The following DLGAP1 variants were observed in gnomAD, a reference collection of about 807,000 sequenced individuals.
The protein encoded by DLGAP1 is DLG associated protein 1.
In DLGAP1, 11 loss-of-function variants were observed where a neutral mutation model predicts 90.8. The ratio of observed to expected loss-of-function variants is 0.12; its 90% confidence interval spans 0.08 to 0.20. DLGAP1 has a LOEUF of 0.20. Among genes scored for constraint, DLGAP1 ranks in the 10% least tolerant of loss-of-function variants. DLGAP1 has a pLI of 1.00. For missense variants in DLGAP1, 1,050 were observed against 1,333.8 expected, an observed-to-expected ratio of 0.79 and a Z score of 3.31; for synonymous variants, 558 against 540.7, an observed-to-expected ratio of 1.03 and a Z score of -0.44.
At chr18:4,225,308 T>C (rs1266878061) in intron 1 of DLGAP1, among the ~76,000 whole-genome samples, 1 of 152,020 alleles carries the variant, frequency 6.6e-6, no homozygotes, top group African/African-American at 2.4e-5. Context: ...CATAGATACC[T>C]GGAAAATCCT....
At chr18:4,444,254 A>G (rs12606923) in intron 1 of DLGAP1, among the ~76,000 whole-genome samples, 40,611 of 152,132 alleles carry the variant, frequency 0.27, 5,953 homozygotes, top group East Asian at 0.49. Flanking sequence ...TCTCACCTTA[A>G]GAAATATGTA....
intron 7 of DLGAP1, among the ~76,000 whole-genome samples, chr18:3,640,130 A>G (rs147022647): frequency 6.6e-6 from 1 of 152,214 alleles, no homozygotes; most frequent in East Asian, 1.9e-4. Flanking sequence ...CACAGCTCGT[A>G]GGATAGTAGT....
chr18:3,662,100 A>T (rs1365937064), intron 7 of DLGAP1, among the ~76,000 whole-genome samples: 1 of 121,052 alleles, frequency 8.3e-6, no homozygotes, highest in African/African-American at 4.4e-5. Context: ...TAAAAATTTA[A>T]AAAAAAAATT....
chr18:3,640,767 C>A (rs2058908887), intron 7 of DLGAP1, among the ~76,000 whole-genome samples: 1 of 152,258 alleles, frequency 6.6e-6, no homozygotes, highest in Non-Finnish European at 1.5e-5. Flanking sequence ...TGTCCAGAAT[C>A]ATTCTCAATC....
At chr18:3,520,088 CACAA>C (rs778739130) in intron 10 of DLGAP1, among the ~76,000 whole-genome samples, 4 of 152,152 alleles carry the variant, frequency 2.6e-5, no homozygotes, top group South Asian at 2.1e-4. Context: ...GTTGGAGCAA[CACAA>C]ACAAACAAAG....
intron 7 of DLGAP1, among the ~76,000 whole-genome samples, chr18:3,638,007 C>A (rs1363164949): frequency 1.5e-5 from 2 of 137,904 alleles, no homozygotes; most frequent in Non-Finnish European, 3.0e-5. Flanking sequence ...AATGCAGTGG[C>A]ATGATCTTGG....
At chr18:4,284,738 A>T (rs537671282) in intron 1 of DLGAP1, among the ~76,000 whole-genome samples, 1 of 152,284 alleles carries the variant, frequency 6.6e-6, no homozygotes, top group African/African-American at 2.4e-5. Context: ...GTCTCAGGTG[A>T]CAAGCTATAG....
intron 1 of DLGAP1, among the ~76,000 whole-genome samples, chr18:4,425,071 C>T (rs1460528229): frequency 3.9e-5 from 4 of 103,252 alleles, no homozygotes; most frequent in South Asian, 3.1e-4. Flanking sequence ...GGGCGGGGGG[C>T]GGGGCGCTAA....
At chr18:4,374,192 T>C (rs1028781980) in intron 1 of DLGAP1, among the ~76,000 whole-genome samples, 2 of 152,142 alleles carry the variant, frequency 1.3e-5, no homozygotes, top group Non-Finnish European at 2.9e-5. Context: ...GGCTGGCCAC[T>C]GACCACATAT....
chr18:3,677,158 T>C (rs1162323571), intron 7 of DLGAP1, among the ~76,000 whole-genome samples: 1 of 152,216 alleles, frequency 6.6e-6, no homozygotes. Context: ...TTCAAGACTC[T>C]TTATCTCCAG....
intron 7 of DLGAP1, among the ~76,000 whole-genome samples, chr18:3,702,548 C>T (rs2061315749): frequency 6.6e-6 from 1 of 152,166 alleles, no homozygotes; most frequent in Admixed American, 6.5e-5. Context: ...CCCTAGGATC[C>T]TGGGCTTCTT....
At chr18:4,190,474 A>G (rs1312279414) in intron 1 of DLGAP1, among the ~76,000 whole-genome samples, 1 of 152,152 alleles carries the variant, frequency 6.6e-6, no homozygotes, top group African/African-American at 2.4e-5. Context: ...TACACTCGTC[A>G]AAATCCACAG....
chr18:3,589,528 A>C (rs2056110071), intron 7 of DLGAP1, among the ~76,000 whole-genome samples: 1 of 152,188 alleles, frequency 6.6e-6, no homozygotes, highest in African/African-American at 2.4e-5. Flanking sequence ...AAGGAACCAC[A>C]AATAAAAACA....
chr18:3,740,969 C>CA (rs1241508889), intron 6 of DLGAP1, among the ~76,000 whole-genome samples: 1 of 135,132 alleles, frequency 7.4e-6, no homozygotes, highest in Non-Finnish European at 1.6e-5. Flanking sequence ...CCACCACCAC[C>CA]ATCACATCAC....
At chr18:4,356,003 A>G (rs1180064606) in intron 1 of DLGAP1, among the ~76,000 whole-genome samples, 1 of 151,702 alleles carries the variant, frequency 6.6e-6, no homozygotes, top group Non-Finnish European at 1.5e-5. Context: ...GCCCTTGTCA[A>G]GATCACCAAT....
intron 5 of DLGAP1, among the ~76,000 whole-genome samples, chr18:3,799,652 A>G (rs1030384756): frequency 6.6e-6 from 1 of 152,148 alleles, no homozygotes; most frequent in Non-Finnish European, 1.5e-5. Context: ...TACTCAGCTC[A>G]GCTACTTAAA....
chr18:4,450,873 T>C (rs2083808258), intron 1 of DLGAP1, among the ~76,000 whole-genome samples: 1 of 152,180 alleles, frequency 6.6e-6, no homozygotes, highest in Non-Finnish European at 1.5e-5. Flanking sequence ...AACACTGATA[T>C]CTAGTTCACA....
intron 9 of DLGAP1, among the ~76,000 whole-genome samples, chr18:3,539,216 T>C (rs781211279): frequency 2.0e-5 from 3 of 152,248 alleles, no homozygotes; most frequent in Non-Finnish European, 4.4e-5. Context: ...GCAATTTTGA[T>C]AGGAACACAA....
At chr18:4,411,650 T>C (rs1016062340) in intron 1 of DLGAP1, among the ~76,000 whole-genome samples, 1 of 152,170 alleles carries the variant, frequency 6.6e-6, no homozygotes, top group Admixed American at 6.5e-5. Context: ...CCACGTGAGA[T>C]TGGCTGGAGT....
Sources: gnomAD v4.1 joint callset for allele counts (sites outside exome capture counted in the v4.1 genomes callset) on GRCh38, gnomAD v4.1.1 for gene constraint, MANE v1.5 for transcripts, NCBI Gene and HGNC (gene_info 2026-07-23, HGNC 2026-07-21) for gene names.